The following C12orf42 variants were observed in gnomAD, a reference collection of about 807,000 sequenced individuals.
C12orf42 encodes uncharacterized protein C12orf42.
Under a neutral mutation model 21.6 loss-of-function variants are expected in C12orf42, and 25 were observed. That is an observed-to-expected ratio of 1.16 (90% CI 0.84 to 1.62). The LOEUF (loss-of-function observed/expected upper bound fraction) is 1.62. Among genes scored for constraint, C12orf42 ranks in the 40% most tolerant of loss-of-function variants. C12orf42 has a pLI of 0.00. For synonymous variants in C12orf42, 174 were observed against 175.0 expected (o/e 0.99, Z 0.05); for missense variants, 483 against 459.3 (o/e 1.05, Z -0.47).
intron 4 of C12orf42, among the ~76,000 whole-genome samples, chr12:103,280,158 GAT>G (rs1438991385): frequency 2.6e-5 from 4 of 152,136 alleles, no homozygotes; most frequent in Non-Finnish European, 5.9e-5. Flanking sequence ...AGTGGATACT[GAT>G]ATTACCCACA....
chr12:103,160,440 A>G, the C12orf42 span, among the ~76,000 whole-genome samples: 3 of 152,202 alleles, frequency 2.0e-5, no homozygotes, highest in Non-Finnish European at 4.4e-5. Flanking sequence ...ATGTCTTTAA[A>G]TCTAATACCC....
chr12:103,269,621 A>T (rs2035345129), intron 6 of C12orf42, among the ~76,000 whole-genome samples: 1 of 152,184 alleles, frequency 6.6e-6, no homozygotes, highest in Non-Finnish European at 1.5e-5. Context: ...AATTTATCAA[A>T]TTCAACAAGA....
At chr12:103,328,895 T>G (rs1469282702) in intron 4 of C12orf42, among the ~76,000 whole-genome samples, 1 of 152,200 alleles carries the variant, frequency 6.6e-6, no homozygotes, top group Non-Finnish European at 1.5e-5. Flanking sequence ...ATTTCTGAAT[T>G]TAAAATAATG....
the C12orf42 span, among the ~76,000 whole-genome samples, chr12:103,544,562 A>G: frequency 6.6e-6 from 1 of 152,194 alleles, no homozygotes; most frequent in Non-Finnish European, 1.5e-5. Context: ...CAGTCCTGGA[A>G]AATACTTGGC....
chr12:103,237,856 A>C (rs2033522851), exon 11 of C12orf42: 1 of 152,360 alleles, frequency 6.6e-6, no homozygotes, highest in African/African-American at 2.4e-5. Flanking sequence ...AACTGGTGCT[A>C]CGTTAGTTCT....
chr12:103,229,338 C>G, the C12orf42 span, among the ~76,000 whole-genome samples: 4 of 152,118 alleles, frequency 2.6e-5, no homozygotes, highest in African/African-American at 9.7e-5. Flanking sequence ...AGTACAGGCT[C>G]CAGGCAGAGT....
intron 2 of C12orf42, among the ~76,000 whole-genome samples, chr12:103,426,631 A>G (rs889726677): frequency 1.3e-5 from 2 of 152,168 alleles, no homozygotes; most frequent in East Asian, 1.9e-4. Context: ...GATACTCCTC[A>G]AGAAGAGCAA....
the C12orf42 span, among the ~76,000 whole-genome samples, chr12:103,109,418 T>C: frequency 7.2e-5 from 11 of 151,984 alleles, no homozygotes; most frequent in African/African-American, 2.7e-4. Context: ...AAGGTAACAT[T>C]GTAGATCACT....
chr12:103,431,570 T>C (rs184038468), intron 2 of C12orf42, among the ~76,000 whole-genome samples: 23 of 152,262 alleles, frequency 1.5e-4, no homozygotes, highest in Admixed American at 4.6e-4. Flanking sequence ...ATGGTACTGA[T>C]AGTAATAATG....
At chr12:103,552,735 A>C in the C12orf42 span, among the ~76,000 whole-genome samples, 1 of 152,174 alleles carries the variant, frequency 6.6e-6, no homozygotes, top group African/African-American at 2.4e-5. Context: ...GGCTGTTATT[A>C]GTCCATTTTC....
chr12:103,297,514 CTACCAGAGG>C (rs1445751872), downstream of C12orf42, among the ~76,000 whole-genome samples: 1 of 152,392 alleles, frequency 6.6e-6, no homozygotes, highest in African/African-American at 2.4e-5. Flanking sequence ...CAGCCGAATT[CTACCAGAGG>C]TACAAAGAGG....
At chr12:103,466,029 G>A (rs1292077713) in intron 2 of C12orf42, among the ~76,000 whole-genome samples, 2 of 152,144 alleles carry the variant, frequency 1.3e-5, no homozygotes, top group African/African-American at 4.8e-5. Flanking sequence ...TTGCATTGAT[G>A]TTCATCAGGA....
chr12:103,414,527 T>C (rs1297908869), intron 2 of C12orf42, among the ~76,000 whole-genome samples: 1 of 152,220 alleles, frequency 6.6e-6, no homozygotes, highest in Non-Finnish European at 1.5e-5. Context: ...TCTATGAGCA[T>C]GGAATATTTC....
intron 2 of C12orf42, chr12:103,476,854 C>T (rs753092226): frequency 2.6e-5 from 4 of 152,256 alleles, no homozygotes; most frequent in East Asian, 1.9e-4. Context: ...TAATATATCA[C>T]ATTGAGTATT....
chr12:103,510,286 C>T, the C12orf42 span, among the ~76,000 whole-genome samples: 1 of 152,146 alleles, frequency 6.6e-6, no homozygotes, highest in Non-Finnish European at 1.5e-5. Context: ...CATTCTCACT[C>T]ATAGTTGGGA....
At chr12:103,126,483 A>C in the C12orf42 span, among the ~76,000 whole-genome samples, 1 of 152,218 alleles carries the variant, frequency 6.6e-6, no homozygotes, top group African/African-American at 2.4e-5. Context: ...GTAAAATGTT[A>C]GTTTCAGATC....
chr12:103,265,715 C>A (rs1451311557), downstream of C12orf42, among the ~76,000 whole-genome samples: 2 of 152,090 alleles, frequency 1.3e-5, no homozygotes, highest in Non-Finnish European at 2.9e-5. Flanking sequence ...TGGAAACTGT[C>A]AGGGAGAGAA....
chr12:103,447,751 C>T (rs947738754), intron 2 of C12orf42, among the ~76,000 whole-genome samples: 2 of 151,816 alleles, frequency 1.3e-5, no homozygotes, highest in Admixed American at 6.6e-5. Flanking sequence ...AGGTGAAAGA[C>T]CTGTATAAGG....
upstream of C12orf42, among the ~76,000 whole-genome samples, chr12:103,499,169 C>T (rs1297518281): frequency 1.3e-5 from 2 of 152,036 alleles, no homozygotes; most frequent in Non-Finnish European, 2.9e-5. Context: ...ACAAGATCAG[C>T]AAGTTCTGGT....
Sources: allele counts gnomAD v4.1 joint callset (sites outside exome capture counted in the v4.1 genomes callset), GRCh38; gene constraint gnomAD v4.1.1; transcripts MANE v1.5; gene names NCBI Gene and HGNC (gene_info 2026-07-23, HGNC 2026-07-21).